Variants in RBM26 observed in about 807,000 individuals in gnomAD.
RBM26 encodes RNA-binding protein 26.
A neutral mutation model predicts 123.6 loss-of-function variants in RBM26; 30 were observed. The observed-to-expected ratio is 0.24, with a 90% CI of 0.18 to 0.33. The LOEUF (loss-of-function observed/expected upper bound fraction) is 0.33, where lower values mean the gene tolerates loss of function less well. Among genes scored for constraint, RBM26 ranks in the 10% least tolerant of loss-of-function variants. The pLI is 1.00. For missense variants in RBM26, 947 were observed against 1,203.6 expected (o/e 0.79, Z 3.15); for synonymous variants, 400 against 404.4 (o/e 0.99, Z 0.13).
rs1200003377 is a variant in RBM26, at chr13:79,337,233, G to A, written c.2602C>T (p.His868Tyr). The change falls in exon 19 of 22, where the codon CAT (histidine) becomes TAT (tyrosine). Residue 868 changes from histidine (H) to tyrosine (Y), a missense_variant. By Grantham distance (83) the His-to-Tyr change is moderately conservative. Coordinates refer to ENST00000438737, the MANE Select transcript of RBM26 (RefSeq NM_001366735.2). ...GIHSRGRGAV[H>Y]GRGRGRGRGR... ...CGCCCTCGCCCCCTGCCTCGGCCAT[G>A]AACTGCACCTCGACCTCTTGAATGA... 3 of 1,614,010 alleles carry A rather than the reference G, an allele frequency of 1.9e-6. No individual in the cohort carries two copies.
rs549089624 is a variant in RBM26, at chr13:79,369,106, T to C, written c.635-116A>G. On this transcript the variant is annotated intron_variant, in intron 5 of 21. Transcript: ENST00000438737. ...TAGAAAAAAAATTTTAAATTTTGCA[T>C]AATAATCATTTTCTTTTAAAAAATA... The C allele has an allele frequency of 2.7e-5, 16 of 581,978 alleles. No individual in the cohort carries two copies. In the African/African-American group the frequency reaches 2.9e-4, roughly 10 times the overall value. The allele number at this position is 581,978 out of a possible 1,614,324, so 36.1% of individuals were successfully genotyped here. A position where few individuals can be genotyped will look rare whatever the true frequency, so the allele number is the denominator to read the frequency against.
At chr13:79,388,355 C>T (rs1421862280) in intron 1 of RBM26, among the ~76,000 whole-genome samples, 2 of 152,240 alleles carry the variant, frequency 1.3e-5, no homozygotes, top group African/African-American at 4.8e-5. Context: ...TTGGGCCTCC[C>T]AAAGTGCTGG....
In RBM26 at chr13:79,355,329, T is replaced by G; in HGVS notation, c.1745A>C (p.Glu582Ala). The G allele has an allele frequency of 6.2e-7, 1 of 1,613,912 alleles. No homozygotes were observed. The highest frequency in any genetic ancestry group is 8.5e-7 in the Non-Finnish European group (1 of 1,179,814). ...GALIQFATYE[E>A]AKKAISSTEA... ...CGTACTTGATATTGCTTTCTTTGCT[T>G]CTTCGTATGTTGCAAATTGGATTAG... Residue 582 changes from glutamate to alanine, a missense_variant, in exon 12 of 22, where the codon GAA becomes GCA. This residue lies in a region of RBM26 where 493 missense variants were observed against 563.1 expected (regional missense o/e 0.88). Transcript: ENST00000438737.
intron 1 of RBM26, among the ~76,000 whole-genome samples, chr13:79,386,748 C>T (rs1358838567): frequency 6.6e-6 from 1 of 151,762 alleles, no homozygotes; most frequent in African/African-American, 2.4e-5. Context: ...CACTCCATTA[C>T]TCACATTCTG....
At chr13:79,328,055 G>A (rs2068709549) in intron 20 of RBM26, among the ~76,000 whole-genome samples, 3 of 152,116 alleles carry the variant, frequency 2.0e-5, no homozygotes, top group African/African-American at 7.2e-5. Context: ...GGTTTTAGAG[G>A]AAGACTTAGC....
At chr13:79,373,438 T>C in intron 3 of RBM26, among the ~76,000 whole-genome samples, 1 of 54,756 alleles carries the variant, frequency 1.8e-5, no homozygotes, top group Non-Finnish European at 3.2e-5. Context: ...TAAATATATA[T>C]TATATATTAT....
intron 3 of RBM26, among the ~76,000 whole-genome samples, chr13:79,373,744 T>C (rs1383755225): frequency 9.3e-6 from 1 of 108,084 alleles, no homozygotes; most frequent in Non-Finnish European, 2.0e-5. Context: ...TAATATTTTA[T>C]ATATATATAT....
intron 1 of RBM26, among the ~76,000 whole-genome samples, chr13:79,391,338 A>G (rs2077964674): frequency 6.6e-6 from 1 of 152,232 alleles, no homozygotes; most frequent in South Asian, 2.1e-4. Context: ...CAAAATAGGG[A>G]AAGTTTTTCT....
downstream of RBM26, chr13:79,314,001 T>A (rs2066977531): frequency 1.3e-5 from 2 of 151,756 alleles, no homozygotes; most frequent in South Asian, 4.1e-4. Flanking sequence ...ACTTTTTAAA[T>A]GCCTCCTGAG....
intron 6 of RBM26, among the ~76,000 whole-genome samples, chr13:79,368,000 TAA>T (rs1467626631): frequency 4.0e-5 from 6 of 150,566 alleles, no homozygotes; most frequent in Non-Finnish European, 5.9e-5. Flanking sequence ...GGTAAATCCT[TAA>T]AAGTCTTCAA....
intron 1 of RBM26, among the ~76,000 whole-genome samples, chr13:79,399,082 A>C (rs2078841417): frequency 6.6e-6 from 1 of 152,242 alleles, no homozygotes; most frequent in Admixed American, 6.5e-5. Context: ...GATGAGTGTC[A>C]TGACAACTGA....
chr13:79,336,292 TAATA>T (rs2070386914), intron 19 of RBM26, among the ~76,000 whole-genome samples: 2 of 152,328 alleles, frequency 1.3e-5, no homozygotes, highest in South Asian at 4.1e-4. Context: ...TTATAGTGCT[TAATA>T]AATTATAATT....
At chr13:79,401,579 T>C in intron 1 of RBM26, among the ~76,000 whole-genome samples, 1 of 152,098 alleles carries the variant, frequency 6.6e-6, no homozygotes, top group Non-Finnish European at 1.5e-5. Context: ...ATGCATACAG[T>C]TTAGGTGGTA....
chr13:79,348,570 C>CA (rs1164408132), intron 14 of RBM26, among the ~76,000 whole-genome samples: 1 of 152,084 alleles, frequency 6.6e-6, no homozygotes, highest in African/African-American at 2.4e-5. Context: ...CAGCCACACT[C>CA]ACAATAAATA....
At chr13:79,313,864 G>C (rs994028353) in exon 5 of RBM26, 2 of 122,436 alleles carry the variant, frequency 1.6e-5, no homozygotes, top group African/African-American at 6.6e-5. Context: ...AGAATGTTAA[G>C]CTTTGCACCA....
chr13:79,401,289 G>A (rs968552580), intron 1 of RBM26, among the ~76,000 whole-genome samples: 1 of 152,126 alleles, frequency 6.6e-6, no homozygotes, highest in Non-Finnish European at 1.5e-5. Context: ...TGATAATCAC[G>A]ATGCTTTAGA....
rs537934712 is a variant in RBM26, at chr13:79,377,891, G to A, written c.191-376C>T. On this transcript the variant is annotated intron_variant, in intron 2 of 21. Coordinates refer to ENST00000438737, the MANE Select transcript of RBM26 (RefSeq NM_001366735.2). ...CCACTGCACTCAAGATCACGCCATT[G>A]CACTCCCGCCTGGGTGACAGAGCAA... Among the ~76,000 whole-genome samples the A allele has an allele frequency of 2.6e-5, 4 of 151,568 alleles. No homozygotes were observed. In the South Asian group the frequency reaches 8.3e-4, roughly 32 times the overall value.
intron 3 of RBM26, among the ~76,000 whole-genome samples, chr13:79,372,860 T>TG (rs2076087381): frequency 1.5e-5 from 1 of 66,592 alleles, no homozygotes; most frequent in African/African-American, 1.2e-4. Flanking sequence ...TATATAAATA[T>TG]AAATATATTT....
chr13:79,342,621 CTTG>C lies in RBM26; in HGVS notation c.2427+40_2427+42del, dbSNP rs1210624874. ...AATCTTAAAAATGTAGTGTCTAATG[CTTG>C]TTAATAAGTAATAATATGAACAACA... On this transcript the variant is annotated intron_variant, in intron 17 of 21. Coordinates refer to ENST00000438737, the MANE Select transcript of RBM26 (RefSeq NM_001366735.2). The C allele has an allele frequency of 5.5e-6, 8 of 1,457,752 alleles. No individual in the cohort carries two copies. The African/African-American group carries it at 7.2e-5, about 13-fold the overall frequency. The allele number at this position is 1,457,752 out of a possible 1,614,324, so 90.3% of individuals were successfully genotyped here.
Sources: gnomAD v4.1 joint callset for allele counts (sites outside exome capture counted in the v4.1 genomes callset) on GRCh38, gnomAD v4.1.1 for gene constraint, gnomAD v4.1.1 regional missense constraint, MANE v1.5 for transcripts, NCBI Gene and HGNC (gene_info 2026-07-23, HGNC 2026-07-21) for gene names.